The following INVS variants were observed in gnomAD, a reference collection of about 807,000 sequenced individuals.
The protein encoded by INVS is inversin.
In INVS, 86 loss-of-function variants were observed where a neutral mutation model predicts 108.8. That is an observed-to-expected ratio of 0.79 (90% CI 0.66 to 0.95). The LOEUF (loss-of-function observed/expected upper bound fraction) is 0.95, where lower values mean the gene tolerates loss of function less well. INVS is among the 40% of genes least tolerant of loss of function. The probability of loss-of-function intolerance (pLI) is 0.00; values close to 1 mark genes in which losing one functional copy is unlikely to be tolerated. For missense variants in INVS, 1,169 were observed against 1,297.4 expected (o/e 0.90, Z 1.52); for synonymous variants, 455 against 473.5 (o/e 0.96, Z 0.51).
At chr9:100,101,246 G>C (rs1010456859) in intron 1 of INVS, 1 of 150,872 alleles carries the variant, frequency 6.6e-6, no homozygotes, top group African/African-American at 2.4e-5. Flanking sequence ...CACTCAGCTT[G>C]TTGAATGAAC....
intron 3 of INVS, among the ~76,000 whole-genome samples, chr9:100,205,312 A>G (rs1305654249): frequency 6.6e-6 from 1 of 152,142 alleles, no homozygotes; most frequent in African/African-American, 2.4e-5. Context: ...TTTCTGACAT[A>G]TCCTTAATCT....
At chr9:100,269,520 G>C (rs1018212302) in intron 11 of INVS, among the ~76,000 whole-genome samples, 2 of 151,876 alleles carry the variant, frequency 1.3e-5, no homozygotes, top group Non-Finnish European at 2.9e-5. Flanking sequence ...CAGTGTTTGG[G>C]GTTTCTTCCC....
chr9:100,247,219 T>C (rs1832074337), intron 8 of INVS, among the ~76,000 whole-genome samples: 1 of 152,254 alleles, frequency 6.6e-6, no homozygotes, highest in African/African-American at 2.4e-5. Flanking sequence ...CTGTGCTCTT[T>C]TCTCAGTTTT....
rs62578289 is a variant in INVS, at chr9:100,197,817, G to A, written c.274-28245G>A. On this transcript the variant is annotated intron_variant, in intron 3 of 16. Transcript: ENST00000262457. ...GTCTTGTAACCTACAGTCAGACAAG[G>A]TAGGTCAGAGAATTTCTTTATGGCC... is the stretch of plus-strand genomic sequence containing the variant. 5.3e-5 allele frequency among the ~76,000 whole-genome samples: 8 copies of A among 152,304 alleles called. 1 individual carries two copies. The East Asian group carries it at 1.5e-3, about 29-fold the overall frequency.
intron 7 of INVS, among the ~76,000 whole-genome samples, chr9:100,246,051 G>A (rs1832036046): frequency 1.3e-5 from 2 of 151,818 alleles, no homozygotes; most frequent in South Asian, 4.2e-4. Context: ...TACTTGGGAG[G>A]CTGAGGCAGG....
chr9:100,155,871 A>G (rs1304187604), intron 3 of INVS, among the ~76,000 whole-genome samples: 1 of 152,256 alleles, frequency 6.6e-6, no homozygotes, highest in Non-Finnish European at 1.5e-5. Flanking sequence ...TAAGAAGTAT[A>G]CAAATATAAA....
intron 3 of INVS, among the ~76,000 whole-genome samples, chr9:100,216,822 A>T (rs1831003198): frequency 6.6e-6 from 1 of 152,160 alleles, no homozygotes; most frequent in Admixed American, 6.6e-5. Context: ...GCAAAAACAA[A>T]GGCACTATTT....
intron 2 of INVS, among the ~76,000 whole-genome samples, chr9:100,122,657 T>C (rs572525191): frequency 6.0e-4 from 88 of 146,306 alleles, no homozygotes; most frequent in Non-Finnish European, 9.7e-4. Context: ...GATTTCGGCT[T>C]ACTGCAAGCT....
intron 3 of INVS, among the ~76,000 whole-genome samples, chr9:100,213,820 C>T (rs1301987109): frequency 6.6e-6 from 1 of 152,144 alleles, no homozygotes; most frequent in African/African-American, 2.4e-5. Flanking sequence ...ACTTAGTAAG[C>T]CCAGAGGAAG....
chr9:100,122,121 T>C (rs1011921246), intron 2 of INVS, among the ~76,000 whole-genome samples: 6 of 152,154 alleles, frequency 3.9e-5, no homozygotes, highest in African/African-American at 1.2e-4. Context: ...GTCCCATGGG[T>C]GTTTTGAAAG....
At chr9:100,110,166 A>G (rs1827299182) in intron 2 of INVS, among the ~76,000 whole-genome samples, 2 of 152,234 alleles carry the variant, frequency 1.3e-5, no homozygotes, top group African/African-American at 2.4e-5. Context: ...TTATGCATCC[A>G]TCCTAACAAT....
chr9:100,199,944 T>A (rs1830489608), intron 3 of INVS, among the ~76,000 whole-genome samples: 1 of 152,198 alleles, frequency 6.6e-6, no homozygotes, highest in Non-Finnish European at 1.5e-5. Flanking sequence ...ATTAGACTTT[T>A]CTATATTGTC....
chr9:100,201,815 G>A (rs1358351138), intron 3 of INVS, among the ~76,000 whole-genome samples: 1 of 152,200 alleles, frequency 6.6e-6, no homozygotes, highest in Non-Finnish European at 1.5e-5. Flanking sequence ...CAAAGGAATT[G>A]AGTTAGGTTT....
rs755947975 is a variant in INVS at position 100,297,182 on chromosome 9, T to C, written c.3016+36T>C. On this transcript the variant is annotated intron_variant, in intron 15 of 16. Coordinates refer to ENST00000262457, the MANE Select transcript of INVS (RefSeq NM_014425.5). Reference sequence around the variant, plus strand: ...TTCTGCCTACTTTGTAGTTCACAAGTACCCCCAGAGTACCACATCAGAATC... The same window carrying C: ...TTCTGCCTACTTTGTAGTTCACAAGCACCCCCAGAGTACCACATCAGAATC... 5.4e-5 allele frequency: 83 copies of C among 1,525,488 alleles called. 1 individual carries two copies. The highest frequency in any genetic ancestry group is 7.3e-5 in the Non-Finnish European group (80 of 1,101,422). 94.5% of individuals were successfully genotyped at this position (1,525,488 alleles called of 1,614,324 possible). A position where few individuals can be genotyped will look rare whatever the true frequency, so the allele number is the denominator to read the frequency against.
chr9:100,173,665 G>A (rs1303157796), intron 3 of INVS, among the ~76,000 whole-genome samples: 1 of 152,156 alleles, frequency 6.6e-6, no homozygotes, highest in Non-Finnish European at 1.5e-5. Context: ...GGAGGCAGAG[G>A]TTGCGGTGAG....
At chr9:100,156,697 A>G (rs1417020512) in intron 3 of INVS, among the ~76,000 whole-genome samples, 1 of 152,108 alleles carries the variant, frequency 6.6e-6, no homozygotes, top group Non-Finnish European at 1.5e-5. Flanking sequence ...TCTTTTGAGG[A>G]CAATCAACTA....
At chr9:100,291,198 G>A (rs908298135) in intron 13 of INVS, among the ~76,000 whole-genome samples, 2 of 152,050 alleles carry the variant, frequency 1.3e-5, no homozygotes, top group African/African-American at 4.8e-5. Flanking sequence ...CAAGTAGCTG[G>A]GACTACACGC....
intron 3 of INVS, among the ~76,000 whole-genome samples, chr9:100,216,429 C>T (rs1388558691): frequency 2.0e-5 from 3 of 152,188 alleles, no homozygotes; most frequent in African/African-American, 7.2e-5. Flanking sequence ...CAAACCAGGC[C>T]AAGGCATTTA....
At position 100,138,298 on chromosome 9, in the gene INVS, C is replaced by T. The variant is rs562031554; in HGVS notation, c.273+11749C>T. Among the ~76,000 whole-genome samples the T allele has an allele frequency of 2.6e-5, 4 of 151,948 alleles. No individual in the cohort carries two copies. In the South Asian group the frequency reaches 6.2e-4, roughly 24 times the overall value. Reference sequence around the variant, plus strand: ...GCACGTGCCTATAATCCCAGCTACTCGGGAGGCTGAGGCAGGAGAATCGCT... The same window carrying T: ...GCACGTGCCTATAATCCCAGCTACTTGGGAGGCTGAGGCAGGAGAATCGCT... On this transcript the variant is annotated intron_variant, in intron 3 of 16. Coordinates refer to ENST00000262457, the MANE Select transcript of INVS (RefSeq NM_014425.5).
Sources: allele counts gnomAD v4.1 joint callset (sites outside exome capture counted in the v4.1 genomes callset), GRCh38; gene constraint gnomAD v4.1.1; transcripts MANE v1.5; gene names NCBI Gene and HGNC (gene_info 2026-07-23, HGNC 2026-07-21).